RXFP1: variants seen among roughly 807,000 people sequenced by gnomAD.
RXFP1 encodes the protein relaxin family peptide receptor 1, also known as relaxin receptor 1.
In RXFP1, 73 loss-of-function variants were observed where a neutral mutation model predicts 89.8. The ratio of observed to expected loss-of-function variants is 0.81; its 90% CI spans 0.67 to 0.99. The LOEUF (loss-of-function observed/expected upper bound fraction) is 0.99, where lower values mean the gene tolerates loss of function less well. Among genes scored for constraint, RXFP1 ranks in the 50% least tolerant of loss-of-function variants. The pLI, the probability that RXFP1 is intolerant of heterozygous loss-of-function variation, is 0.00. For missense variants in RXFP1, 793 were observed against 895.5 expected (o/e 0.89, Z 1.46); for synonymous variants, 277 against 305.5 (o/e 0.91, Z 0.97).
intron 16 of RXFP1, 21 bp downstream of exon 16, chr4:158,647,222 T>C: frequency 1.3e-6 from 2 of 1,522,016 alleles, no homozygotes; most frequent in Non-Finnish European, 1.8e-6. Context: ...AAGAAACTAA[T>C]GTTCACAAAT....
chr4:158,561,117 A>G (rs1278630570), intron 1 of RXFP1, among the ~76,000 whole-genome samples: 1 of 152,200 alleles, frequency 6.6e-6, no homozygotes, highest in African/African-American at 2.4e-5. Flanking sequence ...AATAAAACCA[A>G]TCTCCTTCAC....
chr4:158,538,731 G>A lies in RXFP1; in HGVS notation c.49+16706G>A, dbSNP rs190450092. Among the ~76,000 whole-genome samples, 301 of 151,652 alleles carry A rather than the reference G, an allele frequency of 2.0e-3. 2 individuals carry two copies. Among genetic ancestry groups the A allele is most frequent in the South Asian group, 0.016 (79 of 4,796 alleles). Reference sequence around the variant, plus strand: ...GGGAGGCTGAGGCACTTGAACTCGGGAGGCGGAGGTTGCAGTGAGCTGAGA... The same window carrying A: ...GGGAGGCTGAGGCACTTGAACTCGGAAGGCGGAGGTTGCAGTGAGCTGAGA... On this transcript the variant is annotated intron_variant, in intron 1 of 17. Transcript: ENST00000307765.
intron 2 of RXFP1, among the ~76,000 whole-genome samples, chr4:158,591,012 G>A (rs1759341476): frequency 6.6e-6 from 1 of 152,118 alleles, no homozygotes; most frequent in Admixed American, 6.5e-5. Context: ...GGACCCTGAG[G>A]CTGGCTGCAG....
Position 158,646,932 on chromosome 4 carries a change from C to A in RXFP1, c.1487C>A (p.Thr496Lys). 2 of 1,614,184 alleles carry A rather than the reference C, an allele frequency of 1.2e-6. No homozygotes were observed. The highest frequency in any genetic ancestry group is 1.7e-6 in the Non-Finnish European group (2 of 1,180,022). The change falls in exon 16 of 18, where the codon ACA becomes AAA. Residue 496 changes from threonine (T) to lysine (K), a missense_variant. By Grantham distance (78) the Thr-to-Lys change is moderately conservative (BLOSUM62 -1). Transcript: ENST00000307765. ...QLVGSLAILSTEVSVLLLTFL... is the reference protein window; with the variant it reads ...QLVGSLAILSKEVSVLLLTFL... ...GTAGGATCTTTGGCCATTCTGTCCA[C>A]AGAAGTATCAGTTTTACTGTTAACA... is the stretch of plus-strand genomic sequence containing the variant.
intron 1 of RXFP1, among the ~76,000 whole-genome samples, chr4:158,546,743 G>T (rs111976003): frequency 0.69 from 105,563 of 152,076 alleles, 42,003 homozygotes; most frequent in East Asian, 0.97. Flanking sequence ...TTATATGCTG[G>T]ATTACGTTTA....
chr4:158,537,359 G>A (rs1418237428), intron 1 of RXFP1, among the ~76,000 whole-genome samples: 1 of 151,648 alleles, frequency 6.6e-6, no homozygotes, highest in Non-Finnish European at 1.5e-5. Context: ...TCTTAATCTA[G>A]TTGTTTCACA....
intron 1 of RXFP1, among the ~76,000 whole-genome samples, chr4:158,567,739 A>C (rs1271928984): frequency 6.6e-6 from 1 of 152,162 alleles, no homozygotes; most frequent in Non-Finnish European, 1.5e-5. Context: ...TTGTAAACAC[A>C]CCAATCAGCA....
At chr4:158,628,302 T>C (rs1767319789) in intron 10 of RXFP1, among the ~76,000 whole-genome samples, 1 of 152,180 alleles carries the variant, frequency 6.6e-6, no homozygotes, top group Admixed American at 6.5e-5. Context: ...AGTCATGCTA[T>C]GCAGACTGAA....
rs774985653 is a variant in RXFP1 at position 158,632,942 on chromosome 4, C to T, written c.900-463C>T. Among the ~76,000 whole-genome samples, 8 of 152,202 alleles carry T rather than the reference C, an allele frequency of 5.3e-5. No individual in the cohort carries two copies. In the South Asian group the frequency reaches 6.2e-4, roughly 12 times the overall value. On this transcript the variant is annotated intron_variant, in intron 11 of 17. Transcript: ENST00000307765. ...ATCCCAGGACTTTGGGAGGCTGAGG[C>T]GATTGGATCACAAGGTCAGGAGTTC...
intron 1 of RXFP1, among the ~76,000 whole-genome samples, chr4:158,534,646 G>A (rs967062042): frequency 6.6e-6 from 1 of 152,002 alleles, no homozygotes. Flanking sequence ...ACTCATAAAT[G>A]TTGTCTGATT....
Position 158,572,799 on chromosome 4 carries a change from G to A in RXFP1, c.151G>A (p.Asp51Asn), listed in dbSNP as rs200038291. 1.2e-4 allele frequency: 186 copies of A among 1,614,068 alleles called. No individual in the cohort carries two copies. The highest frequency in any genetic ancestry group is 1.4e-4 in the Non-Finnish European group (166 of 1,180,050). Residue 51 changes from aspartate to asparagine, a missense_variant, in exon 2 of 18, where the codon GAC becomes AAC. Asp to Asn is a conservative substitution (Grantham distance 23). Transcript: ENST00000307765. Reference protein sequence around the residue: ...LPQLLHCNGVDDCGNQADEDN... With the variant: ...LPQLLHCNGVNDCGNQADEDN... Reference sequence around the variant, plus strand: ...TCAGCTCCTGCACTGTAACGGTGTGGACGACTGCGGGAATCAGGCCGATGA... The same window carrying A: ...TCAGCTCCTGCACTGTAACGGTGTGAACGACTGCGGGAATCAGGCCGATGA...
chr4:158,645,764 C>T (rs967106117), intron 15 of RXFP1, among the ~76,000 whole-genome samples: 1 of 152,150 alleles, frequency 6.6e-6, no homozygotes, highest in African/African-American at 2.4e-5. Context: ...TCCATGCTCC[C>T]TCAAGCAAGT....
rs1024026484 is a variant in RXFP1, at chr4:158,652,637, C to T, written c.*582C>T. On this transcript the variant is annotated 3_prime_UTR_variant, in exon 18 of 18. Transcript: ENST00000307765. ...AAGTTTCCATACACTTGAGAGCCAA[C>T]ACAACATATTTATTACTAAAAAGAT... 2 of 152,226 alleles carry T rather than the reference C, an allele frequency of 1.3e-5. No individual in the cohort carries two copies. The highest frequency in any genetic ancestry group is 2.9e-5 in the Non-Finnish European group (2 of 68,042). 9.4% of individuals were successfully genotyped at this position (152,226 alleles called of 1,614,324 possible).
At chr4:158,579,345 T>G (rs1284472087) in intron 2 of RXFP1, among the ~76,000 whole-genome samples, 2 of 152,172 alleles carry the variant, frequency 1.3e-5, no homozygotes, top group Non-Finnish European at 2.9e-5. Flanking sequence ...CTCGGCTCAC[T>G]GCAACCTCTG....
chr4:158,540,976 G>A lies in RXFP1; in HGVS notation c.49+18951G>A, dbSNP rs114121660. Among the ~76,000 whole-genome samples, 1,490 of 152,252 alleles carry A rather than the reference G, an allele frequency of 9.8e-3. 24 individuals are homozygous for A. Among genetic ancestry groups the A allele is most frequent in the African/African-American group, 0.034 (1,419 of 41,548 alleles). ...AAATTAAACTTACCGGCAAGTAGAT[G>A]TCATTAACAATATAATAGCCACCAT... On this transcript the variant is annotated intron_variant, in intron 1 of 17. Transcript: ENST00000307765.
At chr4:158,612,422 T>A in intron 8 of RXFP1, 60 bp downstream of exon 8, 2 of 1,223,410 alleles carry the variant, frequency 1.6e-6, no homozygotes, top group Non-Finnish European at 2.3e-6. Context: ...TAAAAATTAA[T>A]GCTTAAATTT....
chr4:158,652,497 G>A lies in RXFP1; in HGVS notation c.*442G>A, dbSNP rs1215548958. On this transcript the variant is annotated 3_prime_UTR_variant, in exon 18 of 18. Transcript: ENST00000307765. Reference sequence around the variant, plus strand: ...TCATGTGCATCAGCAAGAATCATAGGCACTTTTAAATAAAGGTTTAAAGTT... The same window carrying A: ...TCATGTGCATCAGCAAGAATCATAGACACTTTTAAATAAAGGTTTAAAGTT... 1.3e-5 allele frequency: 2 copies of A among 152,994 alleles called. No individual in the cohort carries two copies. Among genetic ancestry groups the A allele is most frequent in the South Asian group, 2.1e-4 (1 of 4,844 alleles). 9.5% of individuals were successfully genotyped at this position (152,994 alleles called of 1,614,324 possible).
At chr4:158,609,245 A>G (rs1408989480) in intron 6 of RXFP1, among the ~76,000 whole-genome samples, 2 of 152,220 alleles carry the variant, frequency 1.3e-5, no homozygotes, top group African/African-American at 4.8e-5. Context: ...AGGGACTGCC[A>G]TACTATTTTC....
intron 2 of RXFP1, among the ~76,000 whole-genome samples, chr4:158,573,486 AT>A (rs1430121615): frequency 2.7e-4 from 41 of 151,878 alleles, no homozygotes; most frequent in African/African-American, 7.2e-4. Flanking sequence ...AAAGCATTAG[AT>A]TTTTTTTGTG....
Sources: allele counts gnomAD v4.1 joint callset (sites outside exome capture counted in the v4.1 genomes callset), GRCh38; gene constraint gnomAD v4.1.1; transcripts MANE v1.5; gene names NCBI Gene and HGNC (gene_info 2026-07-23, HGNC 2026-07-21).